KANSL1: variants seen among roughly 807,000 people sequenced by gnomAD.
KANSL1 encodes the protein KAT8 regulatory NSL complex subunit 1.
Under a neutral mutation model 103.6 loss-of-function variants are expected in KANSL1, and 22 were observed. That is an observed-to-expected ratio of 0.21 (90% confidence interval 0.15 to 0.30). The LOEUF (loss-of-function observed/expected upper bound fraction) is 0.30, where lower values mean the gene tolerates loss of function less well. Among genes scored for constraint, KANSL1 ranks in the 10% least tolerant of loss-of-function variants. The probability of loss-of-function intolerance (pLI) is 1.00; values close to 1 mark genes in which losing one functional copy is unlikely to be tolerated. For synonymous variants in KANSL1, 600 were observed against 527.6 expected (o/e 1.14, Z -1.88); for missense variants, 1,337 against 1,399.8 (o/e 0.96, Z 0.72).
At chr17:46,140,408 C>T (rs535387884) in intron 2 of KANSL1, among the ~76,000 whole-genome samples, 7 of 152,122 alleles carry the variant, frequency 4.6e-5, no homozygotes, top group South Asian at 4.1e-4. Context: ...AACTTAAAGT[C>T]GATCAAAGCC....
chr17:46,045,069 T>C (rs964363348), intron 7 of KANSL1: 15 of 151,172 alleles, frequency 9.9e-5, no homozygotes, highest in African/African-American at 3.4e-4. Flanking sequence ...AGAGAAGAGG[T>C]TGTAAGGGTG....
intron 14 of KANSL1, 138 bp from the exon 15 acceptor site, chr17:46,031,841 C>A (rs1342269924): frequency 1.9e-6 from 2 of 1,036,286 alleles, no homozygotes; most frequent in African/African-American, 1.6e-5. Context: ...GGGAACACCC[C>A]TCCTAGGGTA....
At chr17:46,082,964 T>C (rs1046796807) in intron 3 of KANSL1, among the ~76,000 whole-genome samples, 14 of 152,184 alleles carry the variant, frequency 9.2e-5, no homozygotes, top group South Asian at 2.1e-4. Flanking sequence ...CCACCAACTA[T>C]ACCTGCACAA....
At chr17:46,188,899 G>C (rs1190704323) in intron 1 of KANSL1, among the ~76,000 whole-genome samples, 1 of 151,920 alleles carries the variant, frequency 6.6e-6, no homozygotes, top group Non-Finnish European at 1.5e-5. Context: ...CAGGCGTGGT[G>C]GTGGGCACCT....
chr17:46,198,714 A>G (rs1285144949), upstream of KANSL1, among the ~76,000 whole-genome samples: 2 of 152,248 alleles, frequency 1.3e-5, no homozygotes, highest in Non-Finnish European at 2.9e-5. Flanking sequence ...CCTGAGTGAC[A>G]GAGCGGGACT....
intron 2 of KANSL1, among the ~76,000 whole-genome samples, chr17:46,106,911 C>T (rs1238557405): frequency 6.6e-6 from 1 of 152,062 alleles, no homozygotes; most frequent in African/African-American, 2.4e-5. Flanking sequence ...TCTCCCAGCT[C>T]ATCCCTGTTC....
intron 2 of KANSL1, among the ~76,000 whole-genome samples, chr17:46,105,658 C>T (rs2042502746): frequency 6.8e-6 from 1 of 146,380 alleles, no homozygotes; most frequent in South Asian, 2.1e-4. Flanking sequence ...CACTCGAGCT[C>T]AGGACTTCGA....
At chr17:46,158,040 T>C (rs1309975533) in intron 2 of KANSL1, among the ~76,000 whole-genome samples, 1 of 152,278 alleles carries the variant, frequency 6.6e-6, no homozygotes, top group East Asian at 1.9e-4. Context: ...CAGATCTTTT[T>C]GTTATTGGAG....
At chr17:46,208,854 A>G (rs79907665) in intron 1 of KANSL1, among the ~76,000 whole-genome samples, 1 of 100,074 alleles carries the variant, frequency 1.0e-5, no homozygotes, top group Non-Finnish European at 2.5e-5. Context: ...CTCCGTCTCA[A>G]AAAAAAAAAA....
In KANSL1 at chr17:46,067,664, C is replaced by G. The variant is rs1351793050; in HGVS notation, c.1537G>C (p.Glu513Gln). 2.7e-6 allele frequency: 4 copies of G among 1,497,750 alleles called. No homozygotes were observed. The highest frequency in any genetic ancestry group is 3.7e-6 in the Non-Finnish European group (4 of 1,074,906). 92.8% of individuals were successfully genotyped at this position (1,497,750 alleles called of 1,614,324 possible). A position where few individuals can be genotyped will look rare whatever the true frequency, so the allele number is the denominator to read the frequency against. ...TTTTCCAATGGCTGAGAAACAGACT[C>G]AATCTGATTAAGAAAAAGGAAAAAA... ...KTDHGTDKLI[E>Q]SVSQPLENHG... Residue 513 changes from glutamate (E) to glutamine (Q), a missense_variant, in exon 5 of 15, where the codon GAG becomes CAG. Physicochemically the swap from Glu to Gln is conservative, Grantham distance 29. Transcript: ENST00000432791.
intron 1 of KANSL1, among the ~76,000 whole-genome samples, chr17:46,212,098 T>C (rs2048184315): frequency 1.3e-5 from 2 of 152,240 alleles, no homozygotes; most frequent in South Asian, 2.1e-4. Flanking sequence ...GTGTGTAATA[T>C]ATACATACAT....
chr17:46,214,206 C>T (rs1227369473), intron 1 of KANSL1, among the ~76,000 whole-genome samples: 1 of 152,220 alleles, frequency 6.6e-6, no homozygotes, highest in Non-Finnish European at 1.5e-5. Context: ...AAGTTGCTTG[C>T]ACTTATCAGA....
intron 13 of KANSL1, chr17:46,032,649 T>C (rs1324606330): frequency 6.1e-6 from 2 of 329,918 alleles, no homozygotes; most frequent in African/African-American, 4.3e-5. Context: ...ATCCCGAGGG[T>C]TTCTGCCACT....
intron 3 of KANSL1, chr17:46,094,205 T>C (rs1408463802): frequency 4.2e-5 from 10 of 236,314 alleles, no homozygotes; most frequent in Non-Finnish European, 7.3e-5. Flanking sequence ...CAAGCGATAC[T>C]CCCACTTCAG....
upstream of KANSL1, chr17:46,196,080 A>T (rs1179416285): frequency 6.5e-6 from 2 of 309,402 alleles, no homozygotes; most frequent in Non-Finnish European, 1.3e-5. Flanking sequence ...TATCTCTACA[A>T]ACAAAATTTT....
intron 2 of KANSL1, among the ~76,000 whole-genome samples, chr17:46,132,602 C>A (rs1167408722): frequency 1.3e-5 from 2 of 152,190 alleles, no homozygotes; most frequent in Admixed American, 1.3e-4. Context: ...ATTGTGATGA[C>A]CATTAATGTT....
intron 6 of KANSL1, among the ~76,000 whole-genome samples, chr17:46,055,332 G>A (rs571263302): frequency 2.8e-4 from 43 of 151,966 alleles, no homozygotes; most frequent in Admixed American, 7.2e-4. Context: ...GGGCATGGTG[G>A]CGGGCGCCTG....
At chr17:46,156,949 A>G (rs2045466251) in intron 2 of KANSL1, 1 of 151,996 alleles carries the variant, frequency 6.6e-6, no homozygotes, top group African/African-American at 2.4e-5. Flanking sequence ...GAAGACAGGA[A>G]CCAAGTTTTC....
rs187003555 is a variant in KANSL1, at chr17:46,034,589, G to A, written c.2542-304C>T. Reference sequence around the variant, plus strand: ...GGTACCTGGGATCTTAACTGTTGGGGTTCCTACTCTATATACACCTCTATT... The same window carrying A: ...GGTACCTGGGATCTTAACTGTTGGGATTCCTACTCTATATACACCTCTATT... On this transcript the variant is annotated intron_variant, in intron 10 of 14. Transcript: ENST00000432791. The A allele has an allele frequency of 5.3e-5, 18 of 341,506 alleles. No individual in the cohort carries two copies. The East Asian group carries it at 1.6e-3, about 31-fold the overall frequency. 21.2% of individuals were successfully genotyped at this position (341,506 alleles called of 1,614,324 possible).
Sources: allele counts gnomAD v4.1 joint callset (sites outside exome capture counted in the v4.1 genomes callset), GRCh38; gene constraint gnomAD v4.1.1; transcripts MANE v1.5; gene names NCBI Gene and HGNC (gene_info 2026-07-23, HGNC 2026-07-21).